The following CNBD1 variants were observed in gnomAD, a reference collection of about 807,000 sequenced individuals.
CNBD1 encodes cyclic nucleotide binding domain containing 1, also known as cyclic nucleotide-binding domain-containing protein 1.
CNBD1 carries 71 observed loss-of-function variants against 54.4 expected under a neutral mutation model. The observed-to-expected ratio is 1.30, with a 90% CI of 1.08 to 1.59. The LOEUF (loss-of-function observed/expected upper bound fraction) is 1.59, where lower values mean the gene tolerates loss of function less well. CNBD1 is among the 40% of genes most tolerant of loss of function. The pLI, the probability that CNBD1 is intolerant of heterozygous loss-of-function variation, is 0.00. For synonymous variants in CNBD1, 182 were observed against 170.7 expected (o/e 1.07, Z -0.51); for missense variants, 659 against 518.0 (o/e 1.27, Z -2.64).
chr8:87,267,649 A>C (rs969726658), intron 6 of CNBD1, among the ~76,000 whole-genome samples: 8 of 152,210 alleles, frequency 5.3e-5, no homozygotes, highest in Non-Finnish European at 1.5e-5. Flanking sequence ...CAAAAGAATG[A>C]ATAAGTAATT....
intron 3 of CNBD1, among the ~76,000 whole-genome samples, chr8:86,925,959 G>A (rs557909749): frequency 6.6e-6 from 1 of 152,204 alleles, no homozygotes; most frequent in South Asian, 2.1e-4. Context: ...AGGGTAAAAG[G>A]AACCCAAGTT....
intron 1 of CNBD1, among the ~76,000 whole-genome samples, chr8:86,883,967 C>T (rs1463117094): frequency 6.6e-6 from 1 of 151,862 alleles, no homozygotes. Context: ...CCGGCTAAAA[C>T]GGTGAAACCC....
At chr8:87,392,830 G>T (rs1208427816) in intron 2 of CNBD1, among the ~76,000 whole-genome samples, 1 of 151,910 alleles carries the variant, frequency 6.6e-6, no homozygotes, top group Non-Finnish European at 1.5e-5. Flanking sequence ...TCCCAATAAA[G>T]CAGTTAATAT....
chr8:87,364,050 A>G (rs1249794754), intron 10 of CNBD1, among the ~76,000 whole-genome samples: 1 of 151,692 alleles, frequency 6.6e-6, no homozygotes, highest in Non-Finnish European at 1.5e-5. Flanking sequence ...TTGTTTTCTA[A>G]GGTGTTTCTC....
chr8:87,391,042 G>A (rs1018163273), intron 2 of CNBD1, among the ~76,000 whole-genome samples: 2 of 149,050 alleles, frequency 1.3e-5, no homozygotes, highest in Non-Finnish European at 3.0e-5. Flanking sequence ...ATTGAACAAA[G>A]AGAACCCATG....
chr8:87,028,134 C>T (rs1390588778), intron 4 of CNBD1, among the ~76,000 whole-genome samples: 1 of 152,164 alleles, frequency 6.6e-6, no homozygotes, highest in East Asian at 1.9e-4. Flanking sequence ...GTCAGTTAGG[C>T]TTGTTCAACT....
intron 5 of CNBD1, among the ~76,000 whole-genome samples, chr8:87,229,735 A>G (rs1563516281): frequency 1.3e-5 from 2 of 152,136 alleles, no homozygotes; most frequent in Admixed American, 6.5e-5. Context: ...TAGTACATCT[A>G]TACAGAAGTC....
At chr8:87,284,001 A>G (rs1025590182) in intron 6 of CNBD1, among the ~76,000 whole-genome samples, 5 of 152,236 alleles carry the variant, frequency 3.3e-5, no homozygotes, top group African/African-American at 1.2e-4. Context: ...GAAAAATGGA[A>G]GTTTTCCCAT....
intron 2 of CNBD1, among the ~76,000 whole-genome samples, chr8:87,409,786 G>A (rs1324228456): frequency 6.6e-6 from 1 of 152,056 alleles, no homozygotes; most frequent in Non-Finnish European, 1.5e-5. Context: ...ACTTTGGGAG[G>A]CTGAAGCGGG....
chr8:87,196,939 C>CTGTA (rs1813735296), intron 4 of CNBD1, among the ~76,000 whole-genome samples: 3 of 151,710 alleles, frequency 2.0e-5, no homozygotes, highest in Admixed American at 1.3e-4. Context: ...TTATACACCA[C>CTGTA]TGTATGTGGT....
chr8:87,044,283 T>G (rs762947281), intron 4 of CNBD1, among the ~76,000 whole-genome samples: 1 of 152,072 alleles, frequency 6.6e-6, no homozygotes, highest in Non-Finnish European at 1.5e-5. Flanking sequence ...TAATGTTATA[T>G]AAGTGTCAGA....
chr8:87,013,102 A>C (rs1446068324), intron 4 of CNBD1, among the ~76,000 whole-genome samples: 1 of 152,216 alleles, frequency 6.6e-6, no homozygotes, highest in Non-Finnish European at 1.5e-5. Context: ...AGTTGACTGA[A>C]AGTGGAGCTA....
intron 4 of CNBD1, among the ~76,000 whole-genome samples, chr8:86,946,269 T>C (rs35416172): frequency 0.077 from 11,699 of 152,226 alleles, 492 homozygotes; most frequent in South Asian, 0.082. Context: ...AACTTATGAA[T>C]AAATAACAGC....
chr8:87,046,519 C>T (rs187602590), intron 4 of CNBD1, among the ~76,000 whole-genome samples: 1 of 152,248 alleles, frequency 6.6e-6, no homozygotes, highest in Admixed American at 6.5e-5. Context: ...AGTGCATGTT[C>T]CCCTCCAATG....
chr8:86,939,859 C>T, intron 4 of CNBD1, 105 bp downstream of exon 4: 1 of 692,108 alleles, frequency 1.4e-6, no homozygotes, highest in South Asian at 2.2e-5. Flanking sequence ...AGTTATGATA[C>T]AGCACTCATG....
intron 4 of CNBD1, among the ~76,000 whole-genome samples, chr8:87,068,555 G>A (rs1810701096): frequency 6.6e-6 from 1 of 151,924 alleles, no homozygotes; most frequent in South Asian, 2.1e-4. Flanking sequence ...GACGTGTCTT[G>A]TTAATAATCT....
chr8:87,190,787 T>C (rs1813584552), intron 4 of CNBD1, among the ~76,000 whole-genome samples: 1 of 149,718 alleles, frequency 6.7e-6, no homozygotes, highest in Non-Finnish European at 1.5e-5. Context: ...CTTTGCCTGC[T>C]GTGTTAGTCA....
chr8:86,952,591 C>T (rs1807653402), intron 4 of CNBD1, among the ~76,000 whole-genome samples: 1 of 151,394 alleles, frequency 6.6e-6, no homozygotes, highest in Non-Finnish European at 1.5e-5. Flanking sequence ...GTGTGTGTAC[C>T]TATATATCAT....
intron 4 of CNBD1, among the ~76,000 whole-genome samples, chr8:87,127,595 G>A (rs1418551713): frequency 6.6e-6 from 1 of 152,012 alleles, no homozygotes; most frequent in East Asian, 1.9e-4. Flanking sequence ...TATGTTGTCT[G>A]CGAATAAAGA....
Sources: allele counts gnomAD v4.1 joint callset (sites outside exome capture counted in the v4.1 genomes callset), GRCh38; gene constraint gnomAD v4.1.1; transcripts MANE v1.5; gene names NCBI Gene and HGNC (gene_info 2026-07-23, HGNC 2026-07-21).